Variants in SLC25A21 observed in about 807,000 individuals in gnomAD.
The protein encoded by SLC25A21 is solute carrier family 25 member 21, also known as mitochondrial 2-oxodicarboxylate carrier.
A neutral mutation model predicts 43.8 loss-of-function variants in SLC25A21; 47 were observed. The observed-to-expected ratio is 1.07, with a 90% CI of 0.85 to 1.37. The LOEUF (loss-of-function observed/expected upper bound fraction) is 1.37, where lower values mean the gene tolerates loss of function less well. SLC25A21 is among the 40% of genes most tolerant of loss of function. The pLI, the probability that SLC25A21 is intolerant of heterozygous loss-of-function variation, is 0.00. For missense variants in SLC25A21, 352 were observed against 350.2 expected, an observed-to-expected ratio of 1.00 and a Z score of -0.04; for synonymous variants, 131 against 121.3, an observed-to-expected ratio of 1.08 and a Z score of -0.52.
chr14:37,171,693 C>T (rs1964132811), intron 1 of SLC25A21, among the ~76,000 whole-genome samples: 1 of 151,926 alleles, frequency 6.6e-6, no homozygotes, highest in South Asian at 2.1e-4. Context: ...TATTTTTTCC[C>T]CACAGCATAA....
chr14:36,987,808 G>C (rs1358129896), intron 1 of SLC25A21, among the ~76,000 whole-genome samples: 1 of 152,150 alleles, frequency 6.6e-6, no homozygotes, highest in Non-Finnish European at 1.5e-5. Flanking sequence ...AGGATCCACT[G>C]ACAAACTGCT....
At chr14:37,132,826 G>A (rs2138908043) in intron 1 of SLC25A21, among the ~76,000 whole-genome samples, 1 of 151,732 alleles carries the variant, frequency 6.6e-6, no homozygotes, top group Non-Finnish European at 1.5e-5. Context: ...ACCTCCCCAG[G>A]CACAGGTGAT....
At chr14:37,011,713 T>G (rs947669740) in intron 1 of SLC25A21, among the ~76,000 whole-genome samples, 1 of 152,196 alleles carries the variant, frequency 6.6e-6, no homozygotes, top group Admixed American at 6.5e-5. Context: ...ATTTGATATA[T>G]AGGAATCCAT....
chr14:36,759,306 A>T (rs1886052747), intron 3 of SLC25A21, among the ~76,000 whole-genome samples: 1 of 152,166 alleles, frequency 6.6e-6, no homozygotes, highest in Non-Finnish European at 1.5e-5. Context: ...TTGCCATCTA[A>T]ATCTAGGAAA....
intron 2 of SLC25A21, among the ~76,000 whole-genome samples, chr14:36,829,138 T>A (rs1888942613): frequency 6.6e-6 from 1 of 152,068 alleles, no homozygotes; most frequent in East Asian, 1.9e-4. Flanking sequence ...ACTCAAGTGA[T>A]CCACCCACCT....
chr14:37,006,740 G>A (rs1401773091), intron 1 of SLC25A21, among the ~76,000 whole-genome samples: 1 of 151,756 alleles, frequency 6.6e-6, no homozygotes, highest in Non-Finnish European at 1.5e-5. Context: ...ATATTTTATG[G>A]TAGTTACCCT....
intron 2 of SLC25A21, among the ~76,000 whole-genome samples, chr14:36,849,768 C>G (rs886498407): frequency 1.3e-5 from 2 of 152,166 alleles, no homozygotes; most frequent in Non-Finnish European, 2.9e-5. Context: ...TGCTAAAACT[C>G]ATGCTAGAAC....
chr14:36,705,728 T>G (rs1326228348), intron 7 of SLC25A21, among the ~76,000 whole-genome samples: 1 of 152,214 alleles, frequency 6.6e-6, no homozygotes, highest in African/African-American at 2.4e-5. Flanking sequence ...TATAGATTTT[T>G]TTTAAATTAA....
chr14:37,077,953 A>G (rs1003014934), intron 1 of SLC25A21, among the ~76,000 whole-genome samples: 1 of 152,162 alleles, frequency 6.6e-6, no homozygotes, highest in Admixed American at 6.5e-5. Flanking sequence ...ATTTTTTTAA[A>G]ATTTTTAAAC....
At chr14:36,805,446 G>A (rs1888004226) in intron 3 of SLC25A21, among the ~76,000 whole-genome samples, 1 of 152,108 alleles carries the variant, frequency 6.6e-6, no homozygotes, top group Admixed American at 6.5e-5. Flanking sequence ...GGCCATTGAA[G>A]CCCTGGGATG....
intron 3 of SLC25A21, among the ~76,000 whole-genome samples, chr14:36,747,632 C>T (rs1029624489): frequency 7.9e-5 from 12 of 152,148 alleles, no homozygotes; most frequent in African/African-American, 2.4e-4. Context: ...AATTCATACA[C>T]GTTTGAAGCC....
intron 1 of SLC25A21, among the ~76,000 whole-genome samples, chr14:37,072,731 A>T (rs1962198206): frequency 6.6e-6 from 1 of 152,070 alleles, no homozygotes; most frequent in African/African-American, 2.4e-5. Context: ...GCGGAGCAAG[A>T]CTCTGTCTCA....
chr14:36,736,862 A>G (rs1594537892), intron 3 of SLC25A21, among the ~76,000 whole-genome samples: 1 of 152,238 alleles, frequency 6.6e-6, no homozygotes, highest in African/African-American at 2.4e-5. Flanking sequence ...TAGAACTAGG[A>G]CCAACAGGTG....
intron 3 of SLC25A21, among the ~76,000 whole-genome samples, chr14:36,789,907 T>TAAA: frequency 8.1e-6 from 1 of 124,124 alleles, no homozygotes; most frequent in Non-Finnish European, 1.6e-5. Flanking sequence ...TATATATATT[T>TAAA]ATATATATTA....
chr14:37,106,310 C>T (rs1962911658), intron 1 of SLC25A21, among the ~76,000 whole-genome samples: 1 of 152,010 alleles, frequency 6.6e-6, no homozygotes. Context: ...AGAGATATTG[C>T]TAAATTATTT....
At chr14:37,003,435 A>G (rs562777547) in intron 1 of SLC25A21, among the ~76,000 whole-genome samples, 3 of 152,332 alleles carry the variant, frequency 2.0e-5, no homozygotes, top group East Asian at 1.9e-4. Flanking sequence ...ATGGAAAACT[A>G]AAACTATGGA....
rs202219964 is a variant in SLC25A21 at position 36,725,592 on chromosome 14, G to C, written c.416C>G (p.Ala139Gly). Residue 139 changes from alanine to glycine, a missense_variant, in exon 6 of 10, where the codon GCA becomes GGA. Transcript: ENST00000331299. ...TACCTCTGCAAATGTGTTCCGATTTGCTTGCAAGCCAACTTTTACTACCTC... is the reference window on the plus strand; with the variant it reads ...TACCTCTGCAAATGTGTTCCGATTTCCTTGCAAGCCAACTTTTACTACCTC... ...PFEVVKVGLQ[A>G]NRNTFAEQPS... 23 of 1,588,840 alleles carry C rather than the reference G, an allele frequency of 1.4e-5. No individual in the cohort carries two copies. Among genetic ancestry groups the C allele is most frequent in the Admixed American group, 1.1e-4 (6 of 56,616 alleles).
chr14:36,848,311 G>A (rs376692032), intron 2 of SLC25A21, among the ~76,000 whole-genome samples: 3 of 152,304 alleles, frequency 2.0e-5, no homozygotes, highest in East Asian at 1.9e-4. Flanking sequence ...AGAATTATAC[G>A]TTATGTATAT....
At chr14:36,981,659 T>C (rs1594735737) in intron 1 of SLC25A21, among the ~76,000 whole-genome samples, 2 of 151,492 alleles carry the variant, frequency 1.3e-5, no homozygotes, top group Non-Finnish European at 2.9e-5. Context: ...GGACACAGGG[T>C]GGGGAACATC....
Sources: allele counts gnomAD v4.1 joint callset (sites outside exome capture counted in the v4.1 genomes callset), GRCh38; gene constraint gnomAD v4.1.1; transcripts MANE v1.5; gene names NCBI Gene and HGNC (gene_info 2026-07-23, HGNC 2026-07-21).